Variants in GCLC observed in about 807,000 individuals in gnomAD.
The protein encoded by GCLC is glutamate--cysteine ligase catalytic subunit.
In GCLC, 30 loss-of-function variants were observed where a neutral mutation model predicts 81.5. The ratio of observed to expected loss-of-function variants is 0.37; its 90% CI spans 0.28 to 0.50. The LOEUF is 0.50. Ranked by LOEUF, GCLC falls within the 20% of genes least tolerant of loss-of-function variation. GCLC has a pLI of 0.96. For synonymous variants in GCLC, 262 were observed against 273.3 expected, an observed-to-expected ratio of 0.96 and a Z score of 0.41; for missense variants, 556 against 777.4, an observed-to-expected ratio of 0.72 and a Z score of 3.39.
intron 1 of GCLC, among the ~76,000 whole-genome samples, chr6:53,526,525 A>G (rs1041419642): frequency 2.0e-5 from 3 of 152,074 alleles, no homozygotes; most frequent in South Asian, 2.1e-4. Context: ...CAGGCAGGGC[A>G]CGGTGGCTCA....
chr6:53,501,772 A>G (rs1039280044), intron 12 of GCLC, among the ~76,000 whole-genome samples: 3 of 152,232 alleles, frequency 2.0e-5, no homozygotes, highest in Non-Finnish European at 4.4e-5. Flanking sequence ...ATCTGCTTTC[A>G]TTATTAATAT....
chr6:53,523,936 C>T (rs1182282404), intron 1 of GCLC: 2 of 152,270 alleles, frequency 1.3e-5, no homozygotes, highest in East Asian at 3.9e-4. Context: ...GAGATCTCCA[C>T]CTGCAGAATC....
intron 15 of GCLC, among the ~76,000 whole-genome samples, 160 bp downstream of exon 15, chr6:53,499,885 A>G (rs897156053): frequency 5.9e-5 from 9 of 152,230 alleles, no homozygotes; most frequent in Admixed American, 3.3e-4. Context: ...CTAAATTATG[A>G]GTGTCAAAGA....
chr6:53,531,839 T>C (rs988909523), intron 1 of GCLC, among the ~76,000 whole-genome samples: 1 of 152,190 alleles, frequency 6.6e-6, no homozygotes, highest in Non-Finnish European at 1.5e-5. Flanking sequence ...CAGCCTTAAT[T>C]TTCCCTAATG....
rs1026948393 is a variant in GCLC, at chr6:53,534,517, A to G, written c.150+9979T>C. On this transcript the variant is annotated intron_variant, in intron 1 of 15. Transcript: ENST00000650454. The stretch of plus-strand genomic sequence containing the variant: ...AAAAAGAGAGAGGAAGAGAAAATAT[A>G]TGAAAGAATAATTTTCAAGACACTG... 9.2e-5 allele frequency among the ~76,000 whole-genome samples: 14 copies of G among 152,216 alleles called. 1 individual carries two copies. In the South Asian group the frequency reaches 1.2e-3, roughly 14 times the overall value.
intron 12 of GCLC, chr6:53,501,494 C>T (rs1425115576): frequency 1.3e-5 from 2 of 152,176 alleles, no homozygotes; most frequent in Non-Finnish European, 2.9e-5. Flanking sequence ...ATTTAAAAAA[C>T]GTTTTAGTAG....
intron 2 of GCLC, among the ~76,000 whole-genome samples, chr6:53,521,744 C>T (rs898470862): frequency 4.6e-5 from 7 of 152,040 alleles, no homozygotes; most frequent in Admixed American, 1.3e-4. Flanking sequence ...GAGGCTGAGG[C>T]GGGCAGATCA....
At chr6:53,543,859 T>C (rs750385009) in intron 1 of GCLC, among the ~76,000 whole-genome samples, 20 of 152,310 alleles carry the variant, frequency 1.3e-4, no homozygotes, top group Admixed American at 2.6e-4. Flanking sequence ...AATCCTAATG[T>C]TGAAACTCTA....
intron 3 of GCLC, 26 bp downstream of exon 3, chr6:53,520,752 T>C: frequency 1.3e-6 from 2 of 1,593,010 alleles, no homozygotes; most frequent in East Asian, 4.5e-5. Flanking sequence ...AGAGATCTGC[T>C]GGGGCATGTT....
rs373779746 is a variant in GCLC at position 53,520,879 on chromosome 6, G to A, written c.345C>T (p.Ser115=). The change falls in exon 3 of 16, where the codon TCC becomes TCT. Residue 115 remains serine, a synonymous_variant. Coordinates refer to ENST00000650454, the MANE Select transcript of GCLC (RefSeq NM_001498.4). ...TPGQPYGGTM[S]EFNTVEANMR... is the part of the protein sequence containing the mutation. The stretch of plus-strand genomic sequence containing the variant: ...TGTTGGCCTCAACTGTATTGAACTC[G>A]GACATTGTTCCTCCGTAGGGCTGTC... The A allele has an allele frequency of 8.7e-6, 14 of 1,613,718 alleles. No individual in the cohort carries two copies. The highest frequency in any genetic ancestry group is 5.0e-5 in the Admixed American group (3 of 60,016).
At chr6:53,511,826 G>T (rs1014980140) in intron 6 of GCLC, among the ~76,000 whole-genome samples, 7 of 119,050 alleles carry the variant, frequency 5.9e-5, no homozygotes, top group Non-Finnish European at 1.1e-4. Context: ...AGGAACTAAG[G>T]AACATATATG....
chr6:53,520,072 A>G (rs193172369), intron 3 of GCLC, among the ~76,000 whole-genome samples: 1 of 152,368 alleles, frequency 6.6e-6, no homozygotes, highest in East Asian at 1.9e-4. Flanking sequence ...TAGCATAGAT[A>G]AATCACATTC....
intron 9 of GCLC, 47 bp from the exon 10 acceptor site, chr6:53,507,072 C>T: frequency 4.9e-6 from 5 of 1,014,642 alleles, no homozygotes; most frequent in Non-Finnish European, 7.9e-6. Flanking sequence ...CGAGAGATAC[C>T]ACTTCCTCTT....
intron 1 of GCLC, among the ~76,000 whole-genome samples, chr6:53,542,461 G>T (rs912564504): frequency 6.6e-6 from 1 of 152,018 alleles, no homozygotes; most frequent in Non-Finnish European, 1.5e-5. Context: ...ACTTAAAATA[G>T]GTAGTTCTAA....
chr6:53,526,342 A>G (rs77853738), intron 1 of GCLC, among the ~76,000 whole-genome samples: 1 of 152,232 alleles, frequency 6.6e-6, no homozygotes, highest in East Asian at 1.9e-4. Flanking sequence ...CAGCAGACAG[A>G]GAAATACCTG....
intron 6 of GCLC, 113 bp downstream of exon 6, chr6:53,514,091 C>T: frequency 1.0e-6 from 1 of 980,966 alleles, no homozygotes; most frequent in Non-Finnish European, 1.6e-6. Context: ...TACCAGCTAC[C>T]ATTTCAACCT....
intron 3 of GCLC, among the ~76,000 whole-genome samples, chr6:53,517,650 T>C (rs1197158978): frequency 6.6e-6 from 1 of 152,090 alleles, no homozygotes; most frequent in Non-Finnish European, 1.5e-5. Flanking sequence ...TCAGATTGGA[T>C]GAAGAGAGAA....
chr6:53,539,222 C>T (rs1763310861), intron 1 of GCLC, among the ~76,000 whole-genome samples: 1 of 152,146 alleles, frequency 6.6e-6, no homozygotes, highest in Admixed American at 6.5e-5. Context: ...AACAGGGCAC[C>T]CAGGAATATC....
intron 1 of GCLC, among the ~76,000 whole-genome samples, chr6:53,530,435 C>A (rs867833650): frequency 1.3e-5 from 2 of 152,172 alleles, no homozygotes; most frequent in Admixed American, 1.3e-4. Context: ...GAAATTCATG[C>A]TAAAGGATGA....
Sources: gnomAD v4.1 joint callset for allele counts (sites outside exome capture counted in the v4.1 genomes callset) on GRCh38, gnomAD v4.1.1 for gene constraint, MANE v1.5 for transcripts, NCBI Gene and HGNC (gene_info 2026-07-23, HGNC 2026-07-21) for gene names.